ARHGEF4: variants seen among roughly 807,000 people sequenced by gnomAD.
ARHGEF4 encodes the protein APC-stimulated guanine nucleotide exchange factor 1.
ARHGEF4 carries 119 observed loss-of-function variants against 162.0 expected under a neutral mutation model. The ratio of observed to expected loss-of-function variants is 0.73; its 90% CI spans 0.63 to 0.86. The LOEUF is 0.86. Ranked by LOEUF, ARHGEF4 falls within the 40% of genes least tolerant of loss-of-function variation. The pLI is 0.00. For missense variants in ARHGEF4, 2,488 were observed against 2,456.0 expected (o/e 1.01, Z -0.28); for synonymous variants, 1,014 against 979.9 (o/e 1.03, Z -0.65).
At chr2:130,936,985 G>T (rs112233102) in intron 3 of ARHGEF4, among the ~76,000 whole-genome samples, 3 of 132,868 alleles carry the variant, frequency 2.3e-5, no homozygotes, top group Non-Finnish European at 4.6e-5. Context: ...TTGGCTCACC[G>T]CAACCACCAC....
At chr2:130,979,326 A>G (rs958033323) in intron 4 of ARHGEF4, among the ~76,000 whole-genome samples, 7 of 152,198 alleles carry the variant, frequency 4.6e-5, no homozygotes, top group Non-Finnish European at 1.0e-4. Context: ...AGATTTGACA[A>G]TGCTTCCTGC....
chr2:130,847,166 G>A (rs533848139), intron 1 of ARHGEF4, among the ~76,000 whole-genome samples: 2 of 152,304 alleles, frequency 1.3e-5, no homozygotes, highest in African/African-American at 4.8e-5. Flanking sequence ...CCCCAAAGCC[G>A]GCTGCACCCT....
chr2:131,040,483 CAG>C, intron 8 of ARHGEF4, 43 bp downstream of exon 8: 2 of 1,490,900 alleles, frequency 1.3e-6, no homozygotes, highest in Non-Finnish European at 1.8e-6. Context: ...GCTGCGTTCA[CAG>C]AGGCTGCCGC....
Position 130,916,448 on chromosome 2 carries a change from G to A in ARHGEF4, c.2502G>A (p.Arg834=), listed in dbSNP as rs1681503609. The change falls in exon 2 of 14, where the codon AGG becomes AGA. Residue 834 remains arginine, a synonymous_variant. Transcript: ENST00000409359. The part of the protein sequence containing the change: ...WGSSGPEGLP[R]ENPPAAAGRD... ...CTTCAGGCCCCGAGGGGCTCCCCAG[G>A]GAGAATCCGCCCGCTGCGGCCGGTC... 6.5e-7 allele frequency: 1 copy of A among 1,541,374 alleles called. No homozygotes were observed.
At chr2:130,903,593 G>T (rs766983290) in intron 1 of ARHGEF4, among the ~76,000 whole-genome samples, 10 of 152,088 alleles carry the variant, frequency 6.6e-5, no homozygotes, top group Non-Finnish European at 1.5e-4. Flanking sequence ...ACATGTACAG[G>T]TTGGTTACAT....
intron 4 of ARHGEF4, among the ~76,000 whole-genome samples, chr2:130,971,764 A>T (rs1439981776): frequency 6.6e-6 from 1 of 152,192 alleles, no homozygotes; most frequent in South Asian, 2.1e-4. Flanking sequence ...GGAGGATTGA[A>T]ATCTTAACAG....
intron 1 of ARHGEF4, among the ~76,000 whole-genome samples, chr2:130,854,680 G>A (rs903341183): frequency 1.3e-5 from 2 of 152,118 alleles, no homozygotes; most frequent in Non-Finnish European, 2.9e-5. Flanking sequence ...TCCACACCAG[G>A]AGGGGCGAGA....
intron 1 of ARHGEF4, among the ~76,000 whole-genome samples, chr2:130,852,753 A>T (rs537627546): frequency 1.3e-5 from 2 of 152,306 alleles, no homozygotes; most frequent in East Asian, 1.9e-4. Context: ...CGGGCGGTGG[A>T]GAGCTGCAGT....
chr2:130,869,065 G>A (rs897037002), intron 1 of ARHGEF4, among the ~76,000 whole-genome samples: 1 of 152,232 alleles, frequency 6.6e-6, no homozygotes, highest in Non-Finnish European at 1.5e-5. Context: ...AACAGTCACA[G>A]GTTCTTGGGC....
intron 4 of ARHGEF4, among the ~76,000 whole-genome samples, chr2:131,015,300 G>A (rs963075312): frequency 2.6e-5 from 4 of 152,120 alleles, no homozygotes; most frequent in African/African-American, 7.2e-5. Context: ...TCAGTGAGCC[G>A]TTTGTACAAC....
At chr2:130,905,279 A>G (rs1331167122) in intron 1 of ARHGEF4, among the ~76,000 whole-genome samples, 1 of 151,818 alleles carries the variant, frequency 6.6e-6, no homozygotes, top group Non-Finnish European at 1.5e-5. Flanking sequence ...TTGCTGAATC[A>G]TTTTCCGAGT....
chr2:131,039,610 G>A lies in ARHGEF4; in HGVS notation c.4306-406G>A, dbSNP rs969099487. On this transcript the variant is annotated intron_variant, in intron 6 of 13. Coordinates refer to ENST00000409359, the MANE Select transcript of ARHGEF4 (RefSeq NM_001367493.1). The stretch of plus-strand genomic sequence containing the variant: ...GCTCCTCCTGCCCCAGATCCCCTGG[G>A]AAACTGTCCACTCCGCACCCTAAGC... The A allele has an allele frequency of 5.7e-6, 6 of 1,056,520 alleles. No individual in the cohort carries two copies. In the African/African-American group the frequency reaches 8.5e-5, roughly 15 times the overall value. 65.4% of individuals were successfully genotyped at this position (1,056,520 alleles called of 1,614,324 possible). A position where few individuals can be genotyped will look rare whatever the true frequency, so the allele number is the denominator to read the frequency against.
intron 1 of ARHGEF4, among the ~76,000 whole-genome samples, chr2:130,912,988 G>A (rs1283726985): frequency 1.3e-5 from 2 of 152,048 alleles, no homozygotes; most frequent in Non-Finnish European, 2.9e-5. Flanking sequence ...ATTTTTTACT[G>A]TGCCTAATTT....
intron 4 of ARHGEF4, among the ~76,000 whole-genome samples, chr2:130,971,525 G>A (rs61056789): frequency 6.6e-6 from 1 of 152,196 alleles, no homozygotes; most frequent in Non-Finnish European, 1.5e-5. Context: ...AGGCGTGGTG[G>A]CGGGCGCCTG....
intron 7 of ARHGEF4, 26 bp downstream of exon 7, chr2:131,040,218 C>CT (rs754206933): frequency 1.4e-5 from 22 of 1,609,098 alleles, no homozygotes; most frequent in East Asian, 4.5e-5. Context: ...CGGGCGGTGA[C>CT]TGGGGACCCG....
chr2:130,961,657 G>A (rs780840840), intron 4 of ARHGEF4, among the ~76,000 whole-genome samples: 3 of 152,206 alleles, frequency 2.0e-5, no homozygotes, highest in African/African-American at 7.2e-5. Flanking sequence ...CTCAGTGGGT[G>A]ACACTGACGC....
chr2:130,965,212 G>A (rs560729077), intron 4 of ARHGEF4, among the ~76,000 whole-genome samples: 2 of 152,326 alleles, frequency 1.3e-5, no homozygotes, highest in East Asian at 1.9e-4. Flanking sequence ...AGGGATGGCA[G>A]AATGTGGAGC....
rs1336365418 is a variant in ARHGEF4, at chr2:130,877,951, G to A, written c.40-36035G>A. On this transcript the variant is annotated intron_variant, in intron 1 of 13. Coordinates refer to ENST00000409359, the MANE Select transcript of ARHGEF4 (RefSeq NM_001367493.1). ...TGAATCTGTGTTGAATAAATTAAGGGGTGCTTTAGTCTTGTTTGAGCCTTG... is the reference window on the plus strand; with the variant it reads ...TGAATCTGTGTTGAATAAATTAAGGAGTGCTTTAGTCTTGTTTGAGCCTTG... Among the ~76,000 whole-genome samples, 4 of 152,042 alleles carry A rather than the reference G, an allele frequency of 2.6e-5. No individual in the cohort carries two copies. The East Asian group carries it at 7.7e-4, about 29-fold the overall frequency.
intron 1 of ARHGEF4, chr2:130,837,628 C>T: frequency 2.2e-6 from 1 of 451,240 alleles, no homozygotes; most frequent in Non-Finnish European, 4.4e-6. Context: ...CCACAGGAAC[C>T]CCAAGATGGG....
Sources: gnomAD v4.1 joint callset for allele counts (sites outside exome capture counted in the v4.1 genomes callset) on GRCh38, gnomAD v4.1.1 for gene constraint, MANE v1.5 for transcripts, NCBI Gene and HGNC (gene_info 2026-07-23, HGNC 2026-07-21) for gene names.